Variants in C2CD5 observed in about 807,000 individuals in gnomAD.
C2CD5 encodes C2 calcium dependent domain containing 5.
Under a neutral mutation model 130.3 loss-of-function variants are expected in C2CD5, and 109 were observed. That is an observed-to-expected ratio of 0.84 (90% CI 0.72 to 0.98). The LOEUF (loss-of-function observed/expected upper bound fraction) is 0.98, where lower values mean the gene tolerates loss of function less well. Ranked by LOEUF, C2CD5 falls within the 50% of genes least tolerant of loss-of-function variation. The pLI is 0.00. For missense variants in C2CD5, 996 were observed against 1,261.8 expected, an observed-to-expected ratio of 0.79 and a Z score of 3.19; for synonymous variants, 454 against 429.2, an observed-to-expected ratio of 1.06 and a Z score of -0.71.
intron 2 of C2CD5, among the ~76,000 whole-genome samples, chr12:22,542,832 C>A (rs1169567495): frequency 2.6e-5 from 4 of 152,220 alleles, no homozygotes; most frequent in Admixed American, 2.0e-4. Flanking sequence ...TATAGCAGGA[C>A]TGTTGTGAAA....
chr12:22,506,340 G>A (rs1948531455), intron 10 of C2CD5, among the ~76,000 whole-genome samples: 1 of 152,068 alleles, frequency 6.6e-6, no homozygotes, highest in Non-Finnish European at 1.5e-5. Context: ...CCTGTTTTAA[G>A]AACAAGGAAA....
intron 18 of C2CD5, 68 bp downstream of exon 18, chr12:22,472,218 A>C: frequency 9.8e-7 from 1 of 1,015,564 alleles, no homozygotes; most frequent in South Asian, 1.5e-5. Context: ...AAAAAGACAA[A>C]TATTTAAATG....
chr12:22,472,171 A>G, intron 18 of C2CD5, 106 bp from the exon 19 acceptor site: 1 of 853,248 alleles, frequency 1.2e-6, no homozygotes, highest in Non-Finnish European at 1.9e-6. Flanking sequence ...GTAGTAGAAT[A>G]AGGATGGTAT....
At chr12:22,516,212 A>T (rs1389509443) in intron 8 of C2CD5, among the ~76,000 whole-genome samples, 1 of 151,948 alleles carries the variant, frequency 6.6e-6, no homozygotes, top group African/African-American at 2.4e-5. Flanking sequence ...TACAGGCTGA[A>T]ATTATAGTTT....
chr12:22,451,217 T>C (rs572812881), intron 26 of C2CD5, among the ~76,000 whole-genome samples: 1 of 152,222 alleles, frequency 6.6e-6, no homozygotes, highest in East Asian at 1.9e-4. Flanking sequence ...TATTCAAAAA[T>C]ATATTAAAAC....
rs74941816 is a variant in C2CD5, at chr12:22,512,746, C to T, written c.1038+548G>A. ...AGAAATCATCCAAAAACTGTAACTGCTTATTTTCCCAATGAACAAATATAG... is the reference window on the plus strand; with the variant it reads ...AGAAATCATCCAAAAACTGTAACTGTTTATTTTCCCAATGAACAAATATAG... On this transcript the variant is annotated intron_variant, in intron 9 of 26. Transcript: ENST00000446597. 5.0e-3 allele frequency: 5,686 copies of T among 1,139,168 alleles called. 191 individuals are homozygous for T. The African/African-American group carries it at 0.07, about 14-fold the overall frequency. The allele number at this position is 1,139,168 out of a possible 1,614,324, so 70.6% of individuals were successfully genotyped here. A position where few individuals can be genotyped will look rare whatever the true frequency, so the allele number is the denominator to read the frequency against.
At chr12:22,522,307 T>C (rs937581622) in intron 7 of C2CD5, among the ~76,000 whole-genome samples, 47 of 152,188 alleles carry the variant, frequency 3.1e-4, no homozygotes, top group Non-Finnish European at 1.8e-4. Flanking sequence ...CTGTGCGGGA[T>C]AGTCAGCGTT....
At chr12:22,494,215 T>C (rs1946719910) in intron 10 of C2CD5, among the ~76,000 whole-genome samples, 1 of 152,048 alleles carries the variant, frequency 6.6e-6, no homozygotes, top group South Asian at 2.1e-4. Context: ...AATTAGCATA[T>C]CATAATTTAT....
chr12:22,480,061 G>A (rs181074320), intron 14 of C2CD5, among the ~76,000 whole-genome samples: 1 of 152,270 alleles, frequency 6.6e-6, no homozygotes, highest in Non-Finnish European at 1.5e-5. Context: ...TTGTTCATTA[G>A]TGTCCATCAC....
chr12:22,472,458 T>C, intron 17 of C2CD5, 111 bp from the exon 18 acceptor site: 1 of 662,868 alleles, frequency 1.5e-6, no homozygotes, highest in African/African-American at 1.8e-5. Flanking sequence ...CCTTCATTTT[T>C]TTTCTTCTAA....
intron 13 of C2CD5, 58 bp from the exon 14 acceptor site, chr12:22,482,801 A>G: frequency 7.8e-7 from 1 of 1,285,716 alleles, no homozygotes; most frequent in Non-Finnish European, 1.1e-6. Flanking sequence ...AAAAATGTCC[A>G]AATTTTAAAA....
At chr12:22,512,699 T>TAA (rs200568343) in intron 9 of C2CD5, 675 of 1,237,914 alleles carry the variant, frequency 5.5e-4, no homozygotes, top group South Asian at 1.2e-3. Context: ...GAAGTTTATT[T>TAA]AAAAAAAAAA....
Position 22,463,391 on chromosome 12 carries a change from C to CA in C2CD5, c.2534-3850dup, listed in dbSNP as rs888010404. On this transcript the variant is annotated intron_variant, in intron 22 of 26. Coordinates refer to ENST00000446597, the MANE Select transcript of C2CD5 (RefSeq NM_001286176.2). The stretch of plus-strand genomic sequence containing the variant: ...TGGCAACAGAGGGAGACTCTTGTCT[C>CA]AAAAAAAAAAAAAAGTAGGACATTT... 6.8e-3 allele frequency: 900 copies of CA among 133,072 alleles called. 11 individuals are homozygous for CA. Among genetic ancestry groups the CA allele is most frequent in the Admixed American group, 0.03 (401 of 13,374 alleles). The allele number at this position is 133,072 out of a possible 1,614,324, so 8.2% of individuals were successfully genotyped here. A position where few individuals can be genotyped will look rare whatever the true frequency, so the allele number is the denominator to read the frequency against.
At chr12:22,517,342 T>C (rs60952605) in intron 8 of C2CD5, among the ~76,000 whole-genome samples, 2,778 of 151,882 alleles carry the variant, frequency 0.018, 101 homozygotes, top group African/African-American at 0.064. Context: ...TTCTAAGGTA[T>C]AAAGAACTAA....
At chr12:22,527,936 C>T in intron 3 of C2CD5, 44 bp from the exon 4 acceptor site, 2 of 1,249,686 alleles carry the variant, frequency 1.6e-6, no homozygotes, top group South Asian at 3.1e-5. Context: ...GTTTTTAAAT[C>T]TTAATTACCA....
rs1209861806 is a variant in C2CD5, at chr12:22,456,981, G to C, written c.2867C>G (p.Ser956Cys). Residue 956 changes from serine (S) to cysteine (C), a missense_variant, in exon 25 of 27, where the codon TCT becomes TGT. Around this residue, in one of 9 missense-constraint regions of C2CD5, gnomAD observed 51 missense variants for 99.5 expected, o/e 0.51. Transcript: ENST00000446597. The stretch of plus-strand genomic sequence containing the variant: ...CTTCTATAAAATTACCTCCCGAAGA[G>C]AAGTAGTCTCTCGAATAAAAAACAT... The part of the protein sequence containing the change: ...INMFFIRETT[S>C]LREEGGVSGF... The C allele has an allele frequency of 6.3e-7, 1 of 1,578,964 alleles. No individual in the cohort carries two copies. The highest frequency in any genetic ancestry group is 1.2e-5 in the South Asian group (1 of 86,208).
At chr12:22,456,412 CT>C (rs1939871565) in intron 25 of C2CD5, among the ~76,000 whole-genome samples, 1 of 152,116 alleles carries the variant, frequency 6.6e-6, no homozygotes, top group Non-Finnish European at 1.5e-5. Context: ...TGATTCTGAA[CT>C]TTTCCCACAT....
At chr12:22,515,164 T>C (rs1949591799) in intron 8 of C2CD5, 5 of 980,488 alleles carry the variant, frequency 5.1e-6, no homozygotes, top group Non-Finnish European at 6.1e-6. Flanking sequence ...TGGAGGAAAG[T>C]AGCAGAGAAA....
In C2CD5 at chr12:22,478,400, G is replaced by T; in HGVS notation, c.1815C>A (p.Gly605=). ...IQIAGKTPND[G]SYEQHISHMQ... is the part of the protein sequence containing the mutation. ...TATGAGAGATGTGTTGTTCATATGA[G>T]CCATCATTAGGAGTCTTCCCAGCAA... is the stretch of plus-strand genomic sequence containing the variant. The change falls in exon 15 of 27, where the codon GGC becomes GGA. Residue 605 remains glycine (G), a synonymous_variant. Coordinates refer to ENST00000446597, the MANE Select transcript of C2CD5 (RefSeq NM_001286176.2). 1 of 1,611,846 alleles carries T rather than the reference G, an allele frequency of 6.2e-7. No homozygotes were observed. The highest frequency in any genetic ancestry group is 8.5e-7 in the Non-Finnish European group (1 of 1,177,982).
Sources: gnomAD v4.1 joint callset for allele counts (sites outside exome capture counted in the v4.1 genomes callset) on GRCh38, gnomAD v4.1.1 for gene constraint, gnomAD v4.1.1 regional missense constraint, MANE v1.5 for transcripts, NCBI Gene and HGNC (gene_info 2026-07-23, HGNC 2026-07-21) for gene names.